Variants in SLC25A21 observed in about 807,000 individuals in gnomAD.
The protein encoded by SLC25A21 is solute carrier family 25 member 21, also known as mitochondrial 2-oxodicarboxylate carrier.
SLC25A21 carries 47 observed loss-of-function variants against 43.8 expected under a neutral mutation model. The observed-to-expected ratio is 1.07, with a 90% CI of 0.85 to 1.37. The LOEUF (loss-of-function observed/expected upper bound fraction) is 1.37, where lower values mean the gene tolerates loss of function less well. Ranked by LOEUF, SLC25A21 falls within the 40% of genes most tolerant of loss-of-function variation. The pLI is 0.00. For missense variants in SLC25A21, 352 were observed against 350.2 expected, an observed-to-expected ratio of 1.00 and a Z score of -0.04; for synonymous variants, 131 against 121.3, an observed-to-expected ratio of 1.08 and a Z score of -0.52.
intron 1 of SLC25A21, among the ~76,000 whole-genome samples, chr14:37,125,886 C>G (rs192461352): frequency 2.0e-5 from 3 of 152,066 alleles, no homozygotes; most frequent in Non-Finnish European, 4.4e-5. Flanking sequence ...ATCCCAGGTA[C>G]GTAGCAATTC....
chr14:37,114,304 T>C (rs1963069734), intron 1 of SLC25A21, among the ~76,000 whole-genome samples: 1 of 152,190 alleles, frequency 6.6e-6, no homozygotes, highest in African/African-American at 2.4e-5. Context: ...TAAGCCCTAA[T>C]TTGAAATGAT....
intron 1 of SLC25A21, among the ~76,000 whole-genome samples, chr14:36,992,362 G>A (rs1960281902): frequency 6.6e-6 from 1 of 152,082 alleles, no homozygotes; most frequent in African/African-American, 2.4e-5. Context: ...CTATGATTGT[G>A]CCACTGCACT....
chr14:36,930,593 C>A (rs1429837), intron 1 of SLC25A21, among the ~76,000 whole-genome samples: 2 of 151,902 alleles, frequency 1.3e-5, no homozygotes, highest in Non-Finnish European at 1.5e-5. Context: ...CTAACCCCAC[C>A]CCCAGCCCCT....
chr14:36,985,389 A>T (rs746252273), intron 1 of SLC25A21, among the ~76,000 whole-genome samples: 1 of 151,620 alleles, frequency 6.6e-6, no homozygotes, highest in East Asian at 1.9e-4. Flanking sequence ...CCATGGTTAA[A>T]AATAATAATA....
chr14:36,821,996 T>C (rs926537950), intron 2 of SLC25A21, among the ~76,000 whole-genome samples: 5 of 152,138 alleles, frequency 3.3e-5, no homozygotes, highest in Non-Finnish European at 5.9e-5. Context: ...GCTCCCCAAC[T>C]GTACAAGGAA....
At chr14:36,903,809 A>G (rs1254051106) in intron 1 of SLC25A21, among the ~76,000 whole-genome samples, 1 of 152,104 alleles carries the variant, frequency 6.6e-6, no homozygotes, top group Non-Finnish European at 1.5e-5. Context: ...AGTTGAAGCC[A>G]GCTCCCTTGC....
In SLC25A21 at chr14:36,963,669, T is replaced by C. The variant is rs147902062; in HGVS notation, c.71-88665A>G. Among the ~76,000 whole-genome samples the C allele has an allele frequency of 5.3e-5, 8 of 152,280 alleles. 1 individual carries two copies. In the East Asian group the frequency reaches 1.5e-3, roughly 29 times the overall value. ...TGCAACATGAGCTGCCGAAGATTCATGCAGAGAAGTGCATCTATCCTTACT... is the reference window on the plus strand; with the variant it reads ...TGCAACATGAGCTGCCGAAGATTCACGCAGAGAAGTGCATCTATCCTTACT... On this transcript the variant is annotated intron_variant, in intron 1 of 9. Coordinates refer to ENST00000331299, the MANE Select transcript of SLC25A21 (RefSeq NM_030631.4).
chr14:37,149,656 T>C (rs1055064912), intron 1 of SLC25A21, among the ~76,000 whole-genome samples: 3 of 152,062 alleles, frequency 2.0e-5, no homozygotes, highest in African/African-American at 7.2e-5. Context: ...ACAGCACTAC[T>C]GAACTCCAGC....
intron 7 of SLC25A21, among the ~76,000 whole-genome samples, chr14:36,694,096 T>C (rs1882911441): frequency 6.6e-6 from 1 of 151,492 alleles, no homozygotes; most frequent in African/African-American, 2.4e-5. Flanking sequence ...CAGTGTGTGA[T>C]GTTCCCCGCC....
chr14:36,745,413 C>T (rs894638751), intron 3 of SLC25A21, among the ~76,000 whole-genome samples: 12 of 152,092 alleles, frequency 7.9e-5, no homozygotes, highest in African/African-American at 1.9e-4. Context: ...CTTGAGGAAT[C>T]GCCACACTGT....
chr14:36,706,213 C>T (rs1031593612), intron 7 of SLC25A21, among the ~76,000 whole-genome samples: 1 of 152,158 alleles, frequency 6.6e-6, no homozygotes, highest in African/African-American at 2.4e-5. Flanking sequence ...TCCACTACTC[C>T]TTCCCTCATC....
chr14:37,060,031 C>T (rs990762910), intron 1 of SLC25A21, among the ~76,000 whole-genome samples: 11 of 152,016 alleles, frequency 7.2e-5, no homozygotes, highest in Non-Finnish European at 1.5e-4. Context: ...TCCCCCTTAA[C>T]TCTGTGCTAT....
intron 3 of SLC25A21, among the ~76,000 whole-genome samples, chr14:36,790,612 G>T (rs976210220): frequency 2.6e-5 from 4 of 152,034 alleles, no homozygotes; most frequent in African/African-American, 9.7e-5. Context: ...CTTAATGATG[G>T]ATTATTGAGA....
chr14:37,060,379 CTAATAATAATAA>C lies in SLC25A21; in HGVS notation c.70+111890_70+111901del, dbSNP rs71124787. On this transcript the variant is annotated intron_variant, in intron 1 of 9. Transcript: ENST00000331299. ...TGAAATGACTAAGGCACTCTACTCT[CTAATAATAATAA>C]TAATAATAATAATAATAATAATAAT... Among the ~76,000 whole-genome samples the C allele has an allele frequency of 6.1e-3, 842 of 138,098 alleles. 4 individuals carry two copies. The highest frequency in any genetic ancestry group is 0.012 in the African/African-American group (434 of 37,488). The allele number at this position is 138,098 out of a possible 152,430, so 90.6% of individuals were successfully genotyped here. A position where few individuals can be genotyped will look rare whatever the true frequency, so the allele number is the denominator to read the frequency against.
chr14:36,698,755 T>C (rs1200465847), intron 7 of SLC25A21, among the ~76,000 whole-genome samples: 2 of 152,232 alleles, frequency 1.3e-5, no homozygotes, highest in Non-Finnish European at 2.9e-5. Flanking sequence ...GCCATGGTTT[T>C]CAGCTGCATC....
chr14:36,694,361 T>C (rs1283648219), intron 7 of SLC25A21, among the ~76,000 whole-genome samples: 1 of 152,194 alleles, frequency 6.6e-6, no homozygotes, highest in South Asian at 2.1e-4. Context: ...TGAATAGTGC[T>C]GCAATAAACA....
intron 1 of SLC25A21, among the ~76,000 whole-genome samples, chr14:37,163,644 T>C (rs1963985747): frequency 6.6e-6 from 1 of 152,156 alleles, no homozygotes; most frequent in African/African-American, 2.4e-5. Flanking sequence ...CTGGTTCCTT[T>C]CATTCATTGC....
intron 1 of SLC25A21, among the ~76,000 whole-genome samples, chr14:36,974,619 T>C (rs1373043325): frequency 6.6e-6 from 1 of 152,172 alleles, no homozygotes; most frequent in Non-Finnish European, 1.5e-5. Context: ...TGCATGAAAT[T>C]CAAAGGAAAT....
rs1229849654 is a variant in SLC25A21 at position 36,679,325 on chromosome 14, T to C, written c.*1333A>G. 1.0e-6 allele frequency: 1 copy of C among 970,636 alleles called. No individual in the cohort carries two copies. Among genetic ancestry groups the C allele is most frequent in the Non-Finnish European group, 1.2e-6 (1 of 816,554 alleles). The allele number at this position is 970,636 out of a possible 1,614,324, so 60.1% of individuals were successfully genotyped here. A position where few individuals can be genotyped will look rare whatever the true frequency, so the allele number is the denominator to read the frequency against. On this transcript the variant is annotated 3_prime_UTR_variant, in exon 10 of 10. Coordinates refer to ENST00000331299, the MANE Select transcript of SLC25A21 (RefSeq NM_030631.4). ...GTATGTCAAAAGCCTTTTATTTTTA[T>C]ACTTCAAATGCTCTAAATTAATAAA...
Sources: allele counts gnomAD v4.1 joint callset (sites outside exome capture counted in the v4.1 genomes callset), GRCh38; gene constraint gnomAD v4.1.1; transcripts MANE v1.5; gene names NCBI Gene and HGNC (gene_info 2026-07-23, HGNC 2026-07-21).